Variants in AKAP6 observed in about 807,000 individuals in gnomAD.
AKAP6 encodes A-kinase anchoring protein 6, also known as A-kinase anchor protein 6.
Under a neutral mutation model 188.5 loss-of-function variants are expected in AKAP6, and 58 were observed. The observed-to-expected ratio is 0.31, with a 90% CI of 0.25 to 0.38. The LOEUF (loss-of-function observed/expected upper bound fraction) is 0.38, where lower values mean the gene tolerates loss of function less well. AKAP6 is among the 10% of genes least tolerant of loss of function. The pLI is 1.00. For missense variants in AKAP6, 2,710 were observed against 2,740.0 expected (o/e 0.99, Z 0.24); for synonymous variants, 989 against 998.6 (o/e 0.99, Z 0.18).
chr14:32,350,911 A>T (rs1887243523), intron 1 of AKAP6, among the ~76,000 whole-genome samples: 1 of 152,266 alleles, frequency 6.6e-6, no homozygotes, highest in African/African-American at 2.4e-5. Context: ...AGCACAGGTA[A>T]ATAGCTTAAC....
chr14:32,412,822 T>A (rs1889531109), intron 1 of AKAP6, among the ~76,000 whole-genome samples: 1 of 152,224 alleles, frequency 6.6e-6, no homozygotes, highest in Non-Finnish European at 1.5e-5. Context: ...ATCAGCAACC[T>A]GCCTTGGTCT....
At chr14:32,570,443 G>A (rs558172925) in intron 4 of AKAP6, among the ~76,000 whole-genome samples, 5 of 151,876 alleles carry the variant, frequency 3.3e-5, no homozygotes, top group Non-Finnish European at 4.4e-5. Flanking sequence ...CGCCTGGCCC[G>A]TGTGGGGACT....
chr14:32,393,549 T>C (rs544872184), intron 1 of AKAP6, among the ~76,000 whole-genome samples: 10 of 152,314 alleles, frequency 6.6e-5, no homozygotes, highest in African/African-American at 2.2e-4. Flanking sequence ...ATATTTCATC[T>C]GTGTTTATTT....
chr14:32,727,214 G>A (rs919304503), intron 9 of AKAP6, among the ~76,000 whole-genome samples: 1 of 152,118 alleles, frequency 6.6e-6, no homozygotes, highest in Non-Finnish European at 1.5e-5. Context: ...GGAAAGAAAG[G>A]AGACAGGTAG....
At chr14:32,365,317 C>T (rs1348889097) in intron 1 of AKAP6, among the ~76,000 whole-genome samples, 1 of 152,158 alleles carries the variant, frequency 6.6e-6, no homozygotes, top group Non-Finnish European at 1.5e-5. Context: ...CTTCTGTAGC[C>T]TAGAATGCAT....
intron 2 of AKAP6, chr14:32,442,335 G>A (rs534196034): frequency 6.6e-6 from 1 of 152,166 alleles, no homozygotes; most frequent in Non-Finnish European, 1.5e-5. Flanking sequence ...AAGCATAATA[G>A]TTCCGGCTAG....
intron 12 of AKAP6, among the ~76,000 whole-genome samples, chr14:32,776,968 T>C (rs1315507222): frequency 6.6e-6 from 1 of 152,082 alleles, no homozygotes; most frequent in Non-Finnish European, 1.5e-5. Context: ...AGGAACCACC[T>C]GAAAGGATTA....
chr14:32,596,149 C>T (rs963106717), intron 5 of AKAP6, among the ~76,000 whole-genome samples: 1 of 152,124 alleles, frequency 6.6e-6, no homozygotes, highest in African/African-American at 2.4e-5. Context: ...TTGAACCACT[C>T]TGGACATTTA....
At chr14:32,456,116 T>A (rs1891139593) in intron 2 of AKAP6, among the ~76,000 whole-genome samples, 1 of 152,172 alleles carries the variant, frequency 6.6e-6, no homozygotes, top group South Asian at 2.1e-4. Flanking sequence ...TGGCTAGACT[T>A]AATAAATACA....
intron 2 of AKAP6, among the ~76,000 whole-genome samples, chr14:32,528,155 C>CATT (rs1165881155): frequency 6.6e-6 from 1 of 152,128 alleles, no homozygotes; most frequent in Non-Finnish European, 1.5e-5. Flanking sequence ...CTAGGATTAT[C>CATT]ATTATTATTA....
chr14:32,352,216 T>C (rs947286652), intron 1 of AKAP6, among the ~76,000 whole-genome samples: 1 of 151,886 alleles, frequency 6.6e-6, no homozygotes, highest in Non-Finnish European at 1.5e-5. Context: ...CAGTCTTTCA[T>C]TGGTTAGCTT....
chr14:32,515,696 A>T (rs900533790), intron 2 of AKAP6, among the ~76,000 whole-genome samples: 2 of 152,168 alleles, frequency 1.3e-5, no homozygotes, highest in African/African-American at 4.8e-5. Flanking sequence ...AGACTCTCTG[A>T]TGCCTAGCGT....
chr14:32,802,722 G>A (rs1161344990), intron 12 of AKAP6, among the ~76,000 whole-genome samples: 2 of 151,968 alleles, frequency 1.3e-5, no homozygotes, highest in African/African-American at 2.4e-5. Context: ...AAAAAAAATT[G>A]GAAATATGAA....
At chr14:32,349,863 T>C (rs1048639279) in intron 1 of AKAP6, among the ~76,000 whole-genome samples, 8 of 152,034 alleles carry the variant, frequency 5.3e-5, no homozygotes, top group Non-Finnish European at 1.0e-4. Context: ...AGTTCAAGAA[T>C]GTAAGGAAAT....
At chr14:32,661,113 A>G (rs984823042) in intron 7 of AKAP6, among the ~76,000 whole-genome samples, 1 of 152,046 alleles carries the variant, frequency 6.6e-6, no homozygotes, top group Non-Finnish European at 1.5e-5. Flanking sequence ...AAAGGAGGTC[A>G]GAAGGAACAG....
At chr14:32,460,277 G>C (rs1480064541) in intron 2 of AKAP6, among the ~76,000 whole-genome samples, 1 of 152,216 alleles carries the variant, frequency 6.6e-6, no homozygotes, top group Non-Finnish European at 1.5e-5. Context: ...GAGACAGAGA[G>C]AGAGGAAAGG....
At chr14:32,674,034 G>C (rs965902902) in intron 7 of AKAP6, among the ~76,000 whole-genome samples, 2 of 152,210 alleles carry the variant, frequency 1.3e-5, no homozygotes, top group South Asian at 4.1e-4. Flanking sequence ...AGGCCTCTCT[G>C]AGAAGTAGCA....
chr14:32,444,229 G>A (rs1490492777), intron 2 of AKAP6, among the ~76,000 whole-genome samples: 2 of 152,100 alleles, frequency 1.3e-5, no homozygotes, highest in Non-Finnish European at 2.9e-5. Context: ...TGAGGCTGTT[G>A]AGTAAGTGAT....
chr14:32,457,059 A>G (rs1891169132), intron 2 of AKAP6, among the ~76,000 whole-genome samples: 1 of 152,214 alleles, frequency 6.6e-6, no homozygotes, highest in Non-Finnish European at 1.5e-5. Flanking sequence ...GGTAGCTAGC[A>G]TCTCTTATAT....
Sources: gnomAD v4.1 joint callset for allele counts (sites outside exome capture counted in the v4.1 genomes callset) on GRCh38, gnomAD v4.1.1 for gene constraint, MANE v1.5 for transcripts, NCBI Gene and HGNC (gene_info 2026-07-23, HGNC 2026-07-21) for gene names.